The following POMT2 variants were observed in gnomAD, a reference collection of about 807,000 sequenced individuals.
The protein encoded by POMT2 is protein O-mannosyl-transferase 2.
Under a neutral mutation model 100.0 loss-of-function variants are expected in POMT2, and 75 were observed. The ratio of observed to expected loss-of-function variants is 0.75; its 90% confidence interval spans 0.62 to 0.91. POMT2 has a LOEUF of 0.91. Among genes scored for constraint, POMT2 ranks in the 40% least tolerant of loss-of-function variants. The probability of loss-of-function intolerance (pLI) is 0.00; values close to 1 mark genes in which losing one functional copy is unlikely to be tolerated. For synonymous variants in POMT2, 378 were observed against 374.1 expected, an observed-to-expected ratio of 1.01 and a Z score of -0.12; for missense variants, 940 against 955.1, an observed-to-expected ratio of 0.98 and a Z score of 0.21.
Position 77,296,282 on chromosome 14 carries a change from A to C in POMT2, c.1007-9T>G. 1 of 1,583,364 alleles carries C rather than the reference A, an allele frequency of 6.3e-7. No individual in the cohort carries two copies. Among genetic ancestry groups the C allele is most frequent in the Non-Finnish European group, 8.6e-7 (1 of 1,162,532 alleles). Reference sequence around the variant, plus strand: ...AGAGCCGTAGGCCAGGTCTGGGAGGAAGGGAGACAGCAGAGGGGTGAGCTG... The same window carrying C: ...AGAGCCGTAGGCCAGGTCTGGGAGGCAGGGAGACAGCAGAGGGGTGAGCTG... On this transcript the variant is annotated splice_polypyrimidine_tract_variant and intron_variant, in intron 8 of 20. Coordinates refer to ENST00000261534, the MANE Select transcript of POMT2 (RefSeq NM_013382.7).
intron 9 of POMT2, 42 bp downstream of exon 9, chr14:77,296,122 A>G (rs1890818429): frequency 6.9e-7 from 1 of 1,440,266 alleles, no homozygotes; most frequent in Non-Finnish European, 9.6e-7. Context: ...TGTCATGGCG[A>G]ACAGCATTGC....
rs1388825342 is a variant in POMT2, at chr14:77,278,462, G to A, written c.2079C>T (p.Ala693=). ...GTATGCCCCTCGCCAGGGGCCATGAGGCCAAGCCCCAGGCACAGAGCCGCA... is the reference window on the plus strand; with the variant it reads ...GTATGCCCCTCGCCAGGGGCCATGAAGCCAAGCCCCAGGCACAGAGCCGCA... The part of the protein sequence containing the change: ...TLLRLCAWGL[A]SWPLARGIHV... The change falls in exon 20 of 21, where the codon GCC becomes GCT. Residue 693 remains alanine, a synonymous_variant. Coordinates refer to ENST00000261534, the MANE Select transcript of POMT2 (RefSeq NM_013382.7). 1 of 1,506,768 alleles carries A rather than the reference G, an allele frequency of 6.6e-7. No homozygotes were observed. Among genetic ancestry groups the A allele is most frequent in the Admixed American group, 1.9e-5 (1 of 51,434 alleles). 93.3% of individuals were successfully genotyped at this position (1,506,768 alleles called of 1,614,324 possible). A position where few individuals can be genotyped will look rare whatever the true frequency, so the allele number is the denominator to read the frequency against.
intron 1 of POMT2, among the ~76,000 whole-genome samples, chr14:77,315,910 G>A (rs1436329883): frequency 1.3e-5 from 2 of 152,226 alleles, no homozygotes; most frequent in African/African-American, 4.8e-5. Context: ...TACTCGGGAG[G>A]CTAAGGCAGA....
Position 77,302,942 on chromosome 14 carries a change from G to A in POMT2, c.549C>T (p.Asp183=). The change falls in exon 5 of 21, where the codon GAC becomes GAT. Residue 183 remains aspartate, a splice_region_variant and synonymous_variant. Transcript: ENST00000261534. The stretch of plus-strand genomic sequence containing the variant: ...ACTGGGACAGAGTGAGGCATCCCGT[G>A]TCTGAAAAACATGAGCTCGCTGGTG... ...ALLTAALLTF[D]TGCLTLSQYI... 6.2e-7 allele frequency: 1 copy of A among 1,610,022 alleles called. No individual in the cohort carries two copies. Among genetic ancestry groups the A allele is most frequent in the Non-Finnish European group, 8.5e-7 (1 of 1,176,814 alleles).
intron 18 of POMT2, 44 bp from the exon 19 acceptor site, chr14:77,278,913 C>T (rs772349419): frequency 6.3e-7 from 1 of 1,592,284 alleles, no homozygotes; most frequent in Non-Finnish European, 8.6e-7. Flanking sequence ...AAGGAGCGGG[C>T]AGAGATTCCA....
chr14:77,313,404 G>A (rs1891510750), intron 1 of POMT2, among the ~76,000 whole-genome samples: 1 of 152,240 alleles, frequency 6.6e-6, no homozygotes, highest in Admixed American at 6.5e-5. Context: ...TTTGCAGAAA[G>A]AGAGATCCAG....
chr14:77,309,898 G>A lies in POMT2; in HGVS notation c.333+2051C>T, dbSNP rs558604404. Among the ~76,000 whole-genome samples, 16 of 152,140 alleles carry A rather than the reference G, an allele frequency of 1.1e-4. No individual in the cohort carries two copies. In the East Asian group the frequency reaches 2.3e-3, roughly 22 times the overall value. On this transcript the variant is annotated intron_variant, in intron 2 of 20. Coordinates refer to ENST00000261534, the MANE Select transcript of POMT2 (RefSeq NM_013382.7). The stretch of plus-strand genomic sequence containing the variant: ...TCACCACGTTGGCCAGGCTGGGCTC[G>A]AACTCCTGACCTCAGGTGATCTGCC...
chr14:77,280,981 C>A (rs1890205832), intron 15 of POMT2, among the ~76,000 whole-genome samples: 1 of 151,992 alleles, frequency 6.6e-6, no homozygotes. Context: ...GTAATCCCAG[C>A]CACTTGGGAG....
intron 1 of POMT2, among the ~76,000 whole-genome samples, chr14:77,316,051 G>A (rs1037591714): frequency 2.0e-5 from 3 of 152,104 alleles, no homozygotes; most frequent in Non-Finnish European, 4.4e-5. Flanking sequence ...GTGGCTGCTG[G>A]AGTACTGAGA....
chr14:77,286,893 G>A (rs1241362710), intron 11 of POMT2, 71 bp from the exon 12 acceptor site: 1 of 1,609,954 alleles, frequency 6.2e-7, no homozygotes. Context: ...CTTTTACCAA[G>A]GATGTTCAGA....
chr14:77,312,156 T>G (rs919661587), intron 1 of POMT2, 123 bp from the exon 2 acceptor site: 131 of 1,446,666 alleles, frequency 9.1e-5, no homozygotes, highest in Non-Finnish European at 1.1e-4. Context: ...AAAGTCTGGA[T>G]TTAAAAAAAA....
At chr14:77,280,351 T>TG in intron 16 of POMT2, 41 bp downstream of exon 16, 1 of 1,613,752 alleles carries the variant, frequency 6.2e-7, no homozygotes, top group Non-Finnish European at 8.5e-7. Context: ...CTCTTGTTCT[T>TG]GGCTCCATTT....
At chr14:77,284,009 G>C (rs761225515) in intron 14 of POMT2, 136 bp from the exon 15 acceptor site, 81 of 769,620 alleles carry the variant, frequency 1.1e-4, no homozygotes, top group Non-Finnish European at 1.6e-4. Context: ...ACAGAAGAAA[G>C]CTTGGCCCAA....
chr14:77,284,219 T>C, intron 14 of POMT2: 1 of 364,428 alleles, frequency 2.7e-6, no homozygotes, highest in East Asian at 6.9e-5. Context: ...CTGTGGCCCT[T>C]TGAAGGGCCT....
chr14:77,302,757 C>T (rs754321436), intron 5 of POMT2, 78 bp downstream of exon 5: 3 of 1,218,438 alleles, frequency 2.5e-6, no homozygotes, highest in Non-Finnish European at 3.6e-6. Context: ...TGGGCACCCG[C>T]CCTGGCCCTG....
rs749141632 is a variant in POMT2, at chr14:77,280,302, G to A, written c.1725+90C>T. On this transcript the variant is annotated intron_variant, in intron 16 of 20. Transcript: ENST00000261534. ...ATCCCAGGAGGCCCCTCGCCCTGCC[G>A]CCCTAGTACACCCACCCCCGCCTCC... 490 of 1,591,582 alleles carry A rather than the reference G, an allele frequency of 3.1e-4. 2 individuals carry two copies. Among genetic ancestry groups the A allele is most frequent in the East Asian group, 1.6e-4 (7 of 44,414 alleles).
At chr14:77,315,919 G>C (rs968844304) in intron 1 of POMT2, among the ~76,000 whole-genome samples, 1 of 152,222 alleles carries the variant, frequency 6.6e-6, no homozygotes, top group Non-Finnish European at 1.5e-5. Context: ...GGCTAAGGCA[G>C]AGAATTGCTT....
intron 2 of POMT2, among the ~76,000 whole-genome samples, chr14:77,310,633 G>C (rs1891404430): frequency 6.6e-6 from 1 of 151,926 alleles, no homozygotes; most frequent in Non-Finnish European, 1.5e-5. Context: ...TGTGATCTTT[G>C]ATAAAAGATT....
chr14:77,283,859 G>A lies in POMT2; in HGVS notation c.1591C>T (p.Leu531=). ...HINPKLPNIS[L]DVLQPSFPEI... ...GGAAAACTGGGCTGTAGCACATCCAGGCTGATGTTTGGCACTAGGGGAAAA... is the reference window on the plus strand; with the variant it reads ...GGAAAACTGGGCTGTAGCACATCCAAGCTGATGTTTGGCACTAGGGGAAAA... Residue 531 remains leucine (L), a synonymous_variant, in exon 15 of 21, where the codon CTG becomes TTG. Coordinates refer to ENST00000261534, the MANE Select transcript of POMT2 (RefSeq NM_013382.7). 6.2e-7 allele frequency: 1 copy of A among 1,612,430 alleles called. No homozygotes were observed. Among genetic ancestry groups the A allele is most frequent in the Non-Finnish European group, 8.5e-7 (1 of 1,178,482 alleles).
Sources: allele counts gnomAD v4.1 joint callset (sites outside exome capture counted in the v4.1 genomes callset), GRCh38; gene constraint gnomAD v4.1.1; transcripts MANE v1.5; gene names NCBI Gene and HGNC (gene_info 2026-07-23, HGNC 2026-07-21).